GALNT16: variants seen among roughly 807,000 people sequenced by gnomAD.
GALNT16 encodes polypeptide N-acetylgalactosaminyltransferase 16.
In GALNT16, 40 loss-of-function variants were observed where a neutral mutation model predicts 76.1. That is an observed-to-expected ratio of 0.53 (90% CI 0.41 to 0.68). The LOEUF (loss-of-function observed/expected upper bound fraction) is 0.68. Ranked by LOEUF, GALNT16 falls within the 30% of genes least tolerant of loss-of-function variation. The pLI is 0.00. For missense variants in GALNT16, 621 were observed against 731.9 expected (o/e 0.85, Z 1.75); for synonymous variants, 276 against 285.2 (o/e 0.97, Z 0.32).
rs762966832 is a variant in GALNT16 at position 69,260,315 on chromosome 14, A to G, written c.25A>G (p.Ile9Val). Reference protein sequence around the residue: MRKIRANAIAILTVAWILG... With the variant: MRKIRANAVAILTVAWILG... ...CATGAGGAAGATCCGCGCCAATGCC[A>G]TCGCCATCCTGACCGTAGCCTGGAT... Residue 9 changes from isoleucine (I) to valine (V), a missense_variant, in exon 1 of 15, where the codon ATC (isoleucine) becomes GTC (valine). Physicochemically the swap from Ile to Val is conservative, Grantham distance 29 (BLOSUM62 3). Coordinates refer to ENST00000448469, the MANE Select transcript of GALNT16 (RefSeq NM_001168368.2). 8 of 1,612,840 alleles carry G rather than the reference A, an allele frequency of 5.0e-6. No homozygotes were observed. The South Asian group carries it at 6.6e-5, about 13-fold the overall frequency.
At chr14:69,285,669 G>A (rs137944269) in intron 1 of GALNT16, among the ~76,000 whole-genome samples, 1 of 152,290 alleles carries the variant, frequency 6.6e-6, no homozygotes, top group East Asian at 1.9e-4. Context: ...GTCGCATGGA[G>A]AAAGGGCCTG....
At chr14:69,377,036 G>A in the GALNT16 span, among the ~76,000 whole-genome samples, 1 of 152,182 alleles carries the variant, frequency 6.6e-6, no homozygotes, top group Non-Finnish European at 1.5e-5. Context: ...TTGGATGGCT[G>A]TGTGAACTGC....
the GALNT16 span, chr14:69,380,516 C>G: frequency 3.8e-6 from 5 of 1,300,960 alleles, no homozygotes; most frequent in East Asian, 2.3e-5. Context: ...CCACCCCAAC[C>G]CCCCCAGTGC....
chr14:69,366,669 C>T, the GALNT16 span, among the ~76,000 whole-genome samples: 5 of 152,202 alleles, frequency 3.3e-5, no homozygotes, highest in Non-Finnish European at 5.9e-5. Context: ...GCTGACCTCC[C>T]TCCCTGCCTC....
intron 1 of GALNT16, among the ~76,000 whole-genome samples, chr14:69,263,080 A>G (rs1291930355): frequency 3.3e-5 from 5 of 151,930 alleles, no homozygotes; most frequent in African/African-American, 9.7e-5. Flanking sequence ...GGGTTTCATC[A>G]TGTTGCCCAG....
At chr14:69,280,107 C>T (rs1232619552) in intron 1 of GALNT16, among the ~76,000 whole-genome samples, 1 of 152,202 alleles carries the variant, frequency 6.6e-6, no homozygotes, top group African/African-American at 2.4e-5. Flanking sequence ...AAGACATTCA[C>T]ATTGTTGTGT....
intron 10 of GALNT16, 49 bp from the exon 11 acceptor site, chr14:69,339,478 C>A: frequency 9.2e-7 from 1 of 1,085,326 alleles, no homozygotes; most frequent in Non-Finnish European, 1.4e-6. Context: ...TGACCGCTAA[C>A]CCTGTTGCTT....
chr14:69,315,938 C>T (rs962320630), intron 1 of GALNT16, among the ~76,000 whole-genome samples: 9 of 152,114 alleles, frequency 5.9e-5, no homozygotes, highest in South Asian at 2.1e-4. Context: ...TCATTTTGCA[C>T]GCTTGGCAGT....
chr14:69,328,234 T>G (rs2045309553), intron 5 of GALNT16, among the ~76,000 whole-genome samples: 1 of 152,090 alleles, frequency 6.6e-6, no homozygotes, highest in African/African-American at 2.4e-5. Flanking sequence ...TAGAGGGCAC[T>G]CGGGGTGTGA....
At chr14:69,314,553 T>C (rs1309158714) in intron 1 of GALNT16, among the ~76,000 whole-genome samples, 2 of 152,200 alleles carry the variant, frequency 1.3e-5, no homozygotes, top group South Asian at 2.1e-4. Context: ...CCTTGTCTGG[T>C]TGGATGAGAC....
At chr14:69,313,709 C>T (rs994898571) in intron 1 of GALNT16, among the ~76,000 whole-genome samples, 1 of 152,230 alleles carries the variant, frequency 6.6e-6, no homozygotes, top group African/African-American at 2.4e-5. Context: ...GCTCCTATCT[C>T]GTGTTCTGGA....
chr14:69,382,746 G>C, the GALNT16 span, among the ~76,000 whole-genome samples: 3 of 151,000 alleles, frequency 2.0e-5, no homozygotes, highest in Non-Finnish European at 4.4e-5. Context: ...GGCTGAGGCA[G>C]GAGAATCGCT....
chr14:69,341,337 C>T (rs1345448770), intron 11 of GALNT16, among the ~76,000 whole-genome samples: 1 of 152,196 alleles, frequency 6.6e-6, no homozygotes. Flanking sequence ...CTGTACTTCT[C>T]ATTAATTCTG....
chr14:69,333,165 A>G lies in GALNT16; in HGVS notation c.859A>G (p.Ile287Val). 6.2e-7 allele frequency: 1 copy of G among 1,607,532 alleles called. No homozygotes were observed. Among genetic ancestry groups the G allele is most frequent in the Non-Finnish European group, 8.5e-7 (1 of 1,175,002 alleles). Residue 287 changes from isoleucine to valine, a missense_variant, in exon 8 of 15, where the codon ATA becomes GTA. By Grantham distance (29) the Ile-to-Val change is conservative (BLOSUM62 3). Coordinates refer to ENST00000448469, the MANE Select transcript of GALNT16 (RefSeq NM_001168368.2). This position sits in a 1 kb window ranked among gnomAD's most constrained non-coding sequence, Gnocchi z 4.2. ...GACCCGGACAGACCCCACCAGGCCC[A>G]TAAGGTCAGAGCTGCGGTGGGCTCT... is the stretch of plus-strand genomic sequence containing the variant. ...KMTRTDPTRP[I>V]RTPVIAGGIF...
At chr14:69,336,662 A>G (rs1446563703) in intron 9 of GALNT16, among the ~76,000 whole-genome samples, 1 of 150,948 alleles carries the variant, frequency 6.6e-6, no homozygotes, top group Non-Finnish European at 1.5e-5. Context: ...ATTTTTCTCC[A>G]TGGCCCTAAC....
chr14:69,305,960 C>G (rs1452001445), intron 1 of GALNT16, among the ~76,000 whole-genome samples: 1 of 152,072 alleles, frequency 6.6e-6, no homozygotes, highest in African/African-American at 2.4e-5. Flanking sequence ...AGATAGGGGC[C>G]CAGTTCCATT....
chr14:69,287,500 T>C (rs1220954884), intron 1 of GALNT16, among the ~76,000 whole-genome samples: 3 of 152,210 alleles, frequency 2.0e-5, no homozygotes, highest in African/African-American at 7.2e-5. Flanking sequence ...TGGTGCAATA[T>C]AGCAACTACA....
At chr14:69,285,107 C>G (rs1463390165) in intron 1 of GALNT16, among the ~76,000 whole-genome samples, 2 of 142,716 alleles carry the variant, frequency 1.4e-5, no homozygotes, top group Non-Finnish European at 3.0e-5. Context: ...GCAGCAAGAT[C>G]TCGGCTCACT....
At chr14:69,335,046 T>C (rs1159894574) in intron 9 of GALNT16, among the ~76,000 whole-genome samples, 1 of 152,146 alleles carries the variant, frequency 6.6e-6, no homozygotes. Context: ...AGGTGGATGC[T>C]GCCTTCTAGA....
Sources: gnomAD v4.1 joint callset for allele counts (sites outside exome capture counted in the v4.1 genomes callset) on GRCh38, gnomAD v4.1.1 for gene constraint, Gnocchi (gnomAD v3.1) non-coding constraint, MANE v1.5 for transcripts, NCBI Gene and HGNC (gene_info 2026-07-23, HGNC 2026-07-21) for gene names.